The following PAX7 variants were observed in gnomAD, a reference collection of about 807,000 sequenced individuals.
PAX7 encodes paired box protein Pax-7.
PAX7 carries 18 observed loss-of-function variants against 50.7 expected under a neutral mutation model. The ratio of observed to expected loss-of-function variants is 0.36; its 90% CI spans 0.25 to 0.53. The LOEUF (loss-of-function observed/expected upper bound fraction) is 0.53, where lower values mean the gene tolerates loss of function less well. PAX7 is among the 20% of genes least tolerant of loss of function. The probability of loss-of-function intolerance (pLI) is 0.93; values close to 1 mark genes in which losing one functional copy is unlikely to be tolerated. For synonymous variants in PAX7, 310 were observed against 290.4 expected, an observed-to-expected ratio of 1.07 and a Z score of -0.69; for missense variants, 644 against 702.9, an observed-to-expected ratio of 0.92 and a Z score of 0.95.
At chr1:18,734,927 G>A (rs2089691857) in intron 7 of PAX7, among the ~76,000 whole-genome samples, 2 of 152,190 alleles carry the variant, frequency 1.3e-5, no homozygotes, top group Admixed American at 1.3e-4. Context: ...CTAGAGACAA[G>A]CCTCCCCTGG....
At position 18,703,151 on chromosome 1, in the gene PAX7, G is replaced by A; in HGVS notation, c.1010G>A (p.Gly337Asp). ...QPLPPSTMHQ[G>D]GLAAAAAAAD... is the part of the protein sequence containing the mutation. ...CTGCCACCGTCCACCATGCACCAGGGCGGGCTGGCTGCAGCGGCTGCAGCC... is the reference window on the plus strand; with the variant it reads ...CTGCCACCGTCCACCATGCACCAGGACGGGCTGGCTGCAGCGGCTGCAGCC... Residue 337 changes from glycine to aspartate, a missense_variant, in exon 7 of 9, where the codon GGC becomes GAC. Physicochemically the swap from Gly to Asp is moderately conservative, Grantham distance 94. Transcript: ENST00000420770. 6.2e-7 allele frequency: 1 copy of A among 1,613,914 alleles called. No homozygotes were observed. Among genetic ancestry groups the A allele is most frequent in the Non-Finnish European group, 8.5e-7 (1 of 1,179,956 alleles).
chr1:18,739,589 C>G (rs1038259599), intron 8 of PAX7, among the ~76,000 whole-genome samples: 5 of 152,334 alleles, frequency 3.3e-5, no homozygotes, highest in African/African-American at 1.2e-4. Flanking sequence ...TGCAAGGTCA[C>G]CCGGCAGCCC....
intron 7 of PAX7, among the ~76,000 whole-genome samples, chr1:18,705,905 A>C (rs2089277438): frequency 6.6e-6 from 1 of 152,178 alleles, no homozygotes; most frequent in Non-Finnish European, 1.5e-5. Context: ...AAAGGTGTGA[A>C]GACAGATGGA....
intron 4 of PAX7, among the ~76,000 whole-genome samples, chr1:18,647,959 GAGA>G (rs922416675): frequency 3.3e-5 from 5 of 152,198 alleles, no homozygotes; most frequent in Admixed American, 3.3e-4. Context: ...AGAAGGTCAA[GAGA>G]AGAAGGTAGA....
At chr1:18,724,527 TAACA>T (rs2089533442) in intron 7 of PAX7, among the ~76,000 whole-genome samples, 1 of 152,216 alleles carries the variant, frequency 6.6e-6, no homozygotes, top group African/African-American at 2.4e-5. Flanking sequence ...CCCACCTAAC[TAACA>T]GACTGTCCTA....
At position 18,744,973 on chromosome 1, in the gene PAX7, C is replaced by T. The variant is rs1450128896; in HGVS notation, c.*44C>T. The T allele has an allele frequency of 6.0e-6, 7 of 1,165,164 alleles. No individual in the cohort carries two copies. The highest frequency in any genetic ancestry group is 8.8e-6 in the Non-Finnish European group (7 of 797,630). 72.2% of individuals were successfully genotyped at this position (1,165,164 alleles called of 1,614,324 possible). ...CCCCAGCCCAATTCCCAGCCCAACCCTAACTGACCCCTGAGCTTCCCAGCC... is the reference window on the plus strand; with the variant it reads ...CCCCAGCCCAATTCCCAGCCCAACCTTAACTGACCCCTGAGCTTCCCAGCC... On this transcript the variant is annotated 3_prime_UTR_variant, in exon 9 of 9. Coordinates refer to ENST00000420770, the MANE Select transcript of PAX7 (RefSeq NM_001135254.2).
intron 4 of PAX7, among the ~76,000 whole-genome samples, chr1:18,679,598 T>G (rs1210387261): frequency 2.0e-5 from 3 of 152,176 alleles, no homozygotes; most frequent in Non-Finnish European, 4.4e-5. Flanking sequence ...GCCTCTAGCA[T>G]TTATGCTACA....
intron 7 of PAX7, among the ~76,000 whole-genome samples, chr1:18,714,768 T>A (rs2743197): frequency 2.0e-5 from 3 of 152,112 alleles, no homozygotes; most frequent in Non-Finnish European, 2.9e-5. Context: ...GCCTCTCAGT[T>A]GTACATCCGC....
chr1:18,637,152 G>A (rs996312477), intron 4 of PAX7, among the ~76,000 whole-genome samples: 6 of 152,190 alleles, frequency 3.9e-5, no homozygotes, highest in African/African-American at 1.2e-4. Flanking sequence ...ATCAGCTAAG[G>A]AGGGCGTTTA....
rs190803656 is a variant in PAX7, at chr1:18,704,418, C to T, written c.1155+1122C>T. The stretch of plus-strand genomic sequence containing the variant: ...GGTGGATCACCTGAGGTCAAGAGTT[C>T]GAGACCAGCCTGGCCAGTACGGTGA... On this transcript the variant is annotated intron_variant, in intron 7 of 8. Coordinates refer to ENST00000420770, the MANE Select transcript of PAX7 (RefSeq NM_001135254.2). 1.6e-4 allele frequency among the ~76,000 whole-genome samples: 24 copies of T among 152,222 alleles called. No individual in the cohort carries two copies. In the East Asian group the frequency reaches 4.1e-3, roughly 26 times the overall value.
At chr1:18,692,300 G>A (rs1044321493) in intron 5 of PAX7, among the ~76,000 whole-genome samples, 1 of 151,874 alleles carries the variant, frequency 6.6e-6, no homozygotes, top group Non-Finnish European at 1.5e-5. Flanking sequence ...CCAGCACTTC[G>A]GGAGGCCGAG....
intron 7 of PAX7, among the ~76,000 whole-genome samples, chr1:18,704,415 G>A (rs1346066220): frequency 6.6e-6 from 1 of 152,150 alleles, no homozygotes; most frequent in Non-Finnish European, 1.5e-5. Context: ...GAGGTCAAGA[G>A]TTCGAGACCA....
intron 8 of PAX7, among the ~76,000 whole-genome samples, chr1:18,739,521 T>C (rs560872668): frequency 6.6e-6 from 1 of 152,246 alleles, no homozygotes; most frequent in Non-Finnish European, 1.5e-5. Flanking sequence ...CCCTATGCAG[T>C]ACACGTGGTT....
At chr1:18,723,180 GGCTTCTCAA>G (rs141203049) in intron 7 of PAX7, among the ~76,000 whole-genome samples, 6,456 of 152,168 alleles carry the variant, frequency 0.042, 176 homozygotes, top group Non-Finnish European at 0.048. Context: ...CTGCTCACAG[GGCTTCTCAA>G]GCTTCTCAAG....
intron 4 of PAX7, among the ~76,000 whole-genome samples, chr1:18,690,386 G>A (rs920326146): frequency 5.3e-5 from 8 of 152,190 alleles, no homozygotes; most frequent in East Asian, 1.9e-4. Flanking sequence ...TATGCTTCCC[G>A]CAGCTCCCCA....
rs759820590 is a variant in PAX7, at chr1:18,700,832, C to A, written c.952+14C>A. The A allele has an allele frequency of 6.9e-7, 1 of 1,439,322 alleles. No homozygotes were observed. Among genetic ancestry groups the A allele is most frequent in the South Asian group, 1.5e-5 (1 of 67,892 alleles). 89.2% of individuals were successfully genotyped at this position (1,439,322 alleles called of 1,614,324 possible). On this transcript the variant is annotated intron_variant, in intron 6 of 8. Coordinates refer to ENST00000420770, the MANE Select transcript of PAX7 (RefSeq NM_001135254.2). The surrounding 1 kb of genome is among the most constrained non-coding windows in gnomAD (Gnocchi z 4.8). ...CCATCTCCCAAGGTGAGTGTCTTGG[C>A]CCCGTCCTGCCATCTCAGTGGTGCC...
rs79044972 is a variant in PAX7 at position 18,653,469 on chromosome 1, G to A, written c.586+17098G>A. On this transcript the variant is annotated intron_variant, in intron 4 of 8. Coordinates refer to ENST00000420770, the MANE Select transcript of PAX7 (RefSeq NM_001135254.2). ...TAGACTTGGGGGAGGTGTCGCTTTC[G>A]GTTGTTGGTGTGCTGGTGGCTGTGT... Among the ~76,000 whole-genome samples the A allele has an allele frequency of 1.8e-3, 281 of 152,212 alleles. 1 individual carries two copies. Among genetic ancestry groups the A allele is most frequent in the African/African-American group, 6.1e-3 (253 of 41,522 alleles).
At chr1:18,730,565 G>A (rs1185393342) in intron 7 of PAX7, among the ~76,000 whole-genome samples, 1 of 149,986 alleles carries the variant, frequency 6.7e-6, no homozygotes, top group East Asian at 2.0e-4. Flanking sequence ...CAATGATGGC[G>A]ATTGCCCCTT....
At chr1:18,723,964 T>C (rs1266546139) in intron 7 of PAX7, among the ~76,000 whole-genome samples, 1 of 152,186 alleles carries the variant, frequency 6.6e-6, no homozygotes, top group African/African-American at 2.4e-5. Context: ...TAATTATTGC[T>C]ATGAGGTGCA....
Sources: gnomAD v4.1 joint callset for allele counts (sites outside exome capture counted in the v4.1 genomes callset) on GRCh38, gnomAD v4.1.1 for gene constraint, Gnocchi (gnomAD v3.1) non-coding constraint, MANE v1.5 for transcripts, NCBI Gene and HGNC (gene_info 2026-07-23, HGNC 2026-07-21) for gene names.